RAB2A: variants seen among roughly 807,000 people sequenced by gnomAD.
RAB2A encodes RAB2A, member RAS oncogene family.
RAB2A carries 7 observed loss-of-function variants against 32.5 expected under a neutral mutation model. The observed-to-expected ratio is 0.22, with a 90% CI of 0.12 to 0.40. RAB2A has a LOEUF of 0.40. RAB2A is among the 10% of genes least tolerant of loss of function. The pLI, the probability that RAB2A is intolerant of heterozygous loss-of-function variation, is 1.00. For missense variants in RAB2A, 108 were observed against 260.7 expected, an observed-to-expected ratio of 0.41 and a Z score of 4.03; for synonymous variants, 79 against 85.2, an observed-to-expected ratio of 0.93 and a Z score of 0.40.
chr8:60,614,088 T>G (rs1219743411), intron 6 of RAB2A, among the ~76,000 whole-genome samples: 1 of 151,982 alleles, frequency 6.6e-6, no homozygotes, highest in African/African-American at 2.4e-5. Flanking sequence ...TCATTTATTT[T>G]CAATATTTTG....
intron 6 of RAB2A, among the ~76,000 whole-genome samples, chr8:60,604,173 A>G (rs1804185843): frequency 6.6e-6 from 1 of 152,136 alleles, no homozygotes; most frequent in Non-Finnish European, 1.5e-5. Flanking sequence ...GGTCACGTGA[A>G]GTGCCTCGCT....
intron 1 of RAB2A, among the ~76,000 whole-genome samples, chr8:60,519,661 G>C (rs1807271434): frequency 6.6e-6 from 1 of 152,136 alleles, no homozygotes; most frequent in Non-Finnish European, 1.5e-5. Flanking sequence ...CCTCTATTAT[G>C]TAGGTACCTA....
intron 1 of RAB2A, among the ~76,000 whole-genome samples, chr8:60,550,171 C>T (rs566500314): frequency 6.6e-6 from 1 of 152,320 alleles, no homozygotes; most frequent in African/African-American, 2.4e-5. Flanking sequence ...TCTGCTCTAC[C>T]TACATCTCCC....
intron 2 of RAB2A, among the ~76,000 whole-genome samples, chr8:60,570,949 C>T (rs1167764927): frequency 6.6e-6 from 1 of 152,166 alleles, no homozygotes; most frequent in Non-Finnish European, 1.5e-5. Context: ...CATTTGGTTT[C>T]TGGGGACCAT....
chr8:60,576,162 G>A (rs192392083), intron 3 of RAB2A: 2 of 454,448 alleles, frequency 4.4e-6, no homozygotes, highest in Admixed American at 2.4e-5. Flanking sequence ...CTGACACTTG[G>A]CCCTTTACTG....
intron 1 of RAB2A, among the ~76,000 whole-genome samples, chr8:60,536,106 G>A (rs1807552777): frequency 6.6e-6 from 1 of 152,154 alleles, no homozygotes; most frequent in African/African-American, 2.4e-5. Context: ...ATTTTGATAG[G>A]TACTGCCAAA....
chr8:60,522,369 T>C (rs984979338), intron 1 of RAB2A, among the ~76,000 whole-genome samples: 1 of 152,122 alleles, frequency 6.6e-6, no homozygotes, highest in African/African-American at 2.4e-5. Flanking sequence ...TGGATTTTTA[T>C]ATATGTGTAA....
At chr8:60,534,192 G>A (rs1449654996) in intron 1 of RAB2A, among the ~76,000 whole-genome samples, 2 of 152,228 alleles carry the variant, frequency 1.3e-5, no homozygotes, top group Non-Finnish European at 1.5e-5. Context: ...CAGATTGTCA[G>A]TAAACCTTTA....
At chr8:60,522,341 T>G (rs1807313975) in intron 1 of RAB2A, among the ~76,000 whole-genome samples, 1 of 152,186 alleles carries the variant, frequency 6.6e-6, no homozygotes, top group South Asian at 2.1e-4. Context: ...TATTTTCATT[T>G]ATGTTGTTAA....
At chr8:60,601,123 A>G (rs955729821) in intron 6 of RAB2A, among the ~76,000 whole-genome samples, 4 of 152,232 alleles carry the variant, frequency 2.6e-5, no homozygotes, top group African/African-American at 9.6e-5. Context: ...CCACAATAAA[A>G]TACTAATGTT....
intron 6 of RAB2A, among the ~76,000 whole-genome samples, chr8:60,597,658 T>C: frequency 6.6e-6 from 1 of 150,766 alleles, no homozygotes; most frequent in East Asian, 1.9e-4. Flanking sequence ...AAATAAACCA[T>C]AAAAAAGAAA....
At chr8:60,613,565 G>C (rs1035636098) in intron 6 of RAB2A, among the ~76,000 whole-genome samples, 1 of 152,208 alleles carries the variant, frequency 6.6e-6, no homozygotes, top group East Asian at 1.9e-4. Context: ...ACTGGTTCCA[G>C]AGCAACACAG....
intron 1 of RAB2A, among the ~76,000 whole-genome samples, chr8:60,530,958 T>G (rs1408381860): frequency 4.6e-5 from 7 of 152,232 alleles, no homozygotes; most frequent in Non-Finnish European, 4.4e-5. Flanking sequence ...CTAGTGCACA[T>G]GAACAATTAA....
At chr8:60,591,752 T>C in intron 5 of RAB2A, 106 bp from the exon 6 acceptor site, 1 of 687,588 alleles carries the variant, frequency 1.5e-6, no homozygotes, top group Non-Finnish European at 2.5e-6. Flanking sequence ...AAAAATTAAT[T>C]AAAAGAATGG....
At chr8:60,543,854 C>A (rs188801163) in intron 1 of RAB2A, among the ~76,000 whole-genome samples, 1 of 151,900 alleles carries the variant, frequency 6.6e-6, no homozygotes, top group Non-Finnish European at 1.5e-5. Flanking sequence ...GTCAGGAGTT[C>A]GGTTCAAGAC....
intron 1 of RAB2A, among the ~76,000 whole-genome samples, chr8:60,539,321 G>C (rs185306627): frequency 1.1e-3 from 166 of 152,300 alleles, no homozygotes; most frequent in Non-Finnish European, 2.1e-3. Context: ...CTTGTCTTCA[G>C]GTACTGGGAA....
intron 5 of RAB2A, among the ~76,000 whole-genome samples, chr8:60,585,537 T>A (rs185199548): frequency 1.1e-3 from 162 of 152,230 alleles, no homozygotes; most frequent in African/African-American, 3.8e-3. Flanking sequence ...GGTCTCAGGC[T>A]CCTAACCTCA....
intron 3 of RAB2A, among the ~76,000 whole-genome samples, chr8:60,580,549 CTTTA>C (rs1803728321): frequency 6.6e-6 from 1 of 152,158 alleles, no homozygotes; most frequent in East Asian, 1.9e-4. Context: ...GAACACTCAT[CTTTA>C]TTTATTATAA....
At chr8:60,568,240 G>A (rs1808145294) in intron 2 of RAB2A, among the ~76,000 whole-genome samples, 1 of 152,134 alleles carries the variant, frequency 6.6e-6, no homozygotes, top group Non-Finnish European at 1.5e-5. Context: ...AGAAGTTCTA[G>A]CCTTGACATT....
Sources: gnomAD v4.1 joint callset for allele counts (sites outside exome capture counted in the v4.1 genomes callset) on GRCh38, gnomAD v4.1.1 for gene constraint, MANE v1.5 for transcripts, NCBI Gene and HGNC (gene_info 2026-07-23, HGNC 2026-07-21) for gene names.